Variants in N4BP2L2 observed in about 807,000 individuals in gnomAD.
The protein encoded by N4BP2L2 is NEDD4 binding protein 2 like 2.
A neutral mutation model predicts 56.2 loss-of-function variants in N4BP2L2; 50 were observed. The observed-to-expected ratio is 0.89, with a 90% CI of 0.71 to 1.13. The LOEUF is 1.13. N4BP2L2 is among the 50% of genes most tolerant of loss of function. The pLI is 0.00. For missense variants in N4BP2L2, 689 were observed against 693.8 expected (o/e 0.99, Z 0.08); for synonymous variants, 203 against 223.6 (o/e 0.91, Z 0.82).
exon 6 of N4BP2L2, chr13:32,517,924 C>A (rs762481056): frequency 1.2e-6 from 2 of 1,614,040 alleles, no homozygotes; most frequent in South Asian, 1.1e-5. Flanking sequence ...GAATTCATTA[C>A]AATAGAAATG....
At chr13:32,447,826 G>A (rs1012046199) in intron 6 of N4BP2L2, among the ~76,000 whole-genome samples, 16 of 151,596 alleles carry the variant, frequency 1.1e-4, no homozygotes, top group African/African-American at 2.7e-4. Flanking sequence ...TCCTAAGTCT[G>A]CTTTCTAGGG....
intron 6 of N4BP2L2, among the ~76,000 whole-genome samples, chr13:32,452,063 CT>C (rs755677854): frequency 0.1 from 6,052 of 60,446 alleles, 184 homozygotes; most frequent in African/African-American, 0.14. Flanking sequence ...TTTTCTTTTT[CT>C]TTTTTTTTTT....
intron 6 of N4BP2L2, among the ~76,000 whole-genome samples, chr13:32,488,884 T>C (rs999776487): frequency 1.3e-5 from 2 of 152,202 alleles, no homozygotes; most frequent in African/African-American, 4.8e-5. Flanking sequence ...TTTAGAATAA[T>C]AAATCCACCT....
chr13:32,443,818 A>C (rs373054008), exon 7 of N4BP2L2: 2 of 1,587,358 alleles, frequency 1.3e-6, no homozygotes, highest in Non-Finnish European at 1.7e-6. Context: ...AACTATAGAC[A>C]TAACGTTTTG....
chr13:32,440,114 T>C (rs558994076), intron 7 of N4BP2L2, among the ~76,000 whole-genome samples: 43 of 152,186 alleles, frequency 2.8e-4, no homozygotes, highest in African/African-American at 9.6e-4. Context: ...ATGATAAATA[T>C]GATGCCAGAG....
At chr13:32,470,445 G>C (rs1171478493) in intron 6 of N4BP2L2, among the ~76,000 whole-genome samples, 1 of 152,186 alleles carries the variant, frequency 6.6e-6, no homozygotes, top group African/African-American at 2.4e-5. Flanking sequence ...TAAGCCCTAT[G>C]GGTAGTTGAC....
exon 6 of N4BP2L2, chr13:32,517,409 AAGGTAGTGAAGG>A: frequency 1.0e-6 from 1 of 997,670 alleles, no homozygotes; most frequent in Non-Finnish European, 1.2e-6. Flanking sequence ...TTGCATATTT[AAGGTAGTGAAGG>A]AAAAACCGTA....
At chr13:32,522,052 AAACC>A (rs2051117446) in intron 4 of N4BP2L2, 126 bp downstream of exon 4, 3 of 640,816 alleles carry the variant, frequency 4.7e-6, no homozygotes, top group Non-Finnish European at 8.1e-6. Context: ...AAAACTAAGC[AAACC>A]AACAAACCTC....
chr13:32,466,936 T>C (rs2081346068), intron 6 of N4BP2L2, among the ~76,000 whole-genome samples: 1 of 152,216 alleles, frequency 6.6e-6, no homozygotes, highest in South Asian at 2.1e-4. Flanking sequence ...ACCTGAAAGT[T>C]ACTTCATTTC....
At chr13:32,446,338 C>G in intron 6 of N4BP2L2, 1 of 1,360,780 alleles carries the variant, frequency 7.3e-7, no homozygotes, top group African/African-American at 1.5e-5. Context: ...GGTTGTAACT[C>G]TCCTTCATGG....
chr13:32,465,545 G>C (rs1593598230), intron 6 of N4BP2L2, among the ~76,000 whole-genome samples: 2 of 136,284 alleles, frequency 1.5e-5, no homozygotes, highest in Admixed American at 1.4e-4. Flanking sequence ...GCCACAAAAA[G>C]AGTTTCACAA....
At chr13:32,508,371 A>G (rs557717513), downstream of N4BP2L2, 4 of 152,316 alleles carry the variant, frequency 2.6e-5, no homozygotes, top group Admixed American at 1.3e-4. Flanking sequence ...CTCAGCAAAG[A>G]AGGCGAGGTT....
intron 3 of N4BP2L2, among the ~76,000 whole-genome samples, chr13:32,526,029 C>CAAAAAAAAAAAAAAAAAAA (rs1274880215): frequency 2.7e-5 from 1 of 37,424 alleles, no homozygotes; most frequent in Non-Finnish European, 8.1e-5. Context: ...ATCTGCTTGC[C>CAAAAAAAAAAAAAAAAAAA]AAAAAAAAAA....
At chr13:32,454,341 A>G (rs1593500003) in intron 6 of N4BP2L2, among the ~76,000 whole-genome samples, 1 of 152,222 alleles carries the variant, frequency 6.6e-6, no homozygotes, top group East Asian at 1.9e-4. Flanking sequence ...CTTCAGTAGA[A>G]TATAGATTTT....
At chr13:32,454,796 TCTGAATAGAGCATTTAAGAGAGAA>T (rs2078684621) in intron 6 of N4BP2L2, among the ~76,000 whole-genome samples, 2 of 152,076 alleles carry the variant, frequency 1.3e-5, no homozygotes, top group Non-Finnish European at 2.9e-5. Context: ...ATAATCACAC[TCTGAATAGAGCATTTAAGAGAGAA>T]CACTGGAATT....
Position 32,484,422 on chromosome 13 carries a change from T to C in N4BP2L2, c.365+33435A>G, listed in dbSNP as rs557898845. ...CTGCAAACATAAACTTGAAAAAATA[T>C]AGCTAAAGGTTTTTCATCTTTAATA... On this transcript the variant is annotated intron_variant, in intron 6 of 9. Coordinates refer to the N4BP2L2 transcript ENST00000357505. Among the ~76,000 whole-genome samples the C allele has an allele frequency of 7.9e-5, 12 of 152,286 alleles. No homozygotes were observed. In the East Asian group the frequency reaches 2.1e-3, roughly 27 times the overall value.
At chr13:32,536,190 G>T (rs1440973436) in exon 2 of N4BP2L2, 2 of 1,614,070 alleles carry the variant, frequency 1.2e-6, no homozygotes, top group Non-Finnish European at 1.7e-6. Flanking sequence ...GGAAGAGGGG[G>T]ACCATAGGGC....
In N4BP2L2 at chr13:32,519,121, G is replaced by A. The variant is rs79577261; in HGVS notation, c.1551-1118C>T. Among the ~76,000 whole-genome samples, 537 of 152,042 alleles carry A rather than the reference G, an allele frequency of 3.5e-3. 1 individual carries two copies. Among genetic ancestry groups the A allele is most frequent in the Non-Finnish European group, 6.0e-3 (406 of 68,012 alleles). On this transcript the variant is annotated intron_variant, in intron 5 of 5. Transcript: ENST00000267068. ...GCAAAAAAGATAGAAGAAAAAATGC[G>A]ATGAAGTTGAAAATTGGCAAGATAT...
At chr13:32,440,341 G>C (rs1224529193) in intron 7 of N4BP2L2, among the ~76,000 whole-genome samples, 1 of 152,132 alleles carries the variant, frequency 6.6e-6, no homozygotes. Context: ...TTGGAGCTTT[G>C]GCCTCTTGAG....
Sources: gnomAD v4.1 joint callset for allele counts (sites outside exome capture counted in the v4.1 genomes callset) on GRCh38, gnomAD v4.1.1 for gene constraint, MANE v1.5 for transcripts, NCBI Gene and HGNC (gene_info 2026-07-23, HGNC 2026-07-21) for gene names.